The following CTTNBP2NL variants were observed in gnomAD, a reference collection of about 807,000 sequenced individuals.
The protein encoded by CTTNBP2NL is CTTNBP2 N-terminal like.
In CTTNBP2NL, 16 loss-of-function variants were observed where a neutral mutation model predicts 32.5. The observed-to-expected ratio is 0.49, with a 90% CI of 0.33 to 0.75. The LOEUF (loss-of-function observed/expected upper bound fraction) is 0.75. CTTNBP2NL is among the 30% of genes least tolerant of loss of function. The probability of loss-of-function intolerance (pLI) is 0.02; values close to 1 mark genes in which losing one functional copy is unlikely to be tolerated. For missense variants in CTTNBP2NL, 645 were observed against 756.0 expected (o/e 0.85, Z 1.72); for synonymous variants, 298 against 289.4 (o/e 1.03, Z -0.30).
At chr1:112,394,121 G>A (rs974983158), upstream of CTTNBP2NL, among the ~76,000 whole-genome samples, 8 of 151,398 alleles carry the variant, frequency 5.3e-5, no homozygotes, top group East Asian at 1.9e-4. Flanking sequence ...CAGGAGAATC[G>A]CTTGAACCCA....
chr1:112,432,466 A>C (rs1274282871), intron 3 of CTTNBP2NL, among the ~76,000 whole-genome samples: 2 of 152,192 alleles, frequency 1.3e-5, no homozygotes, highest in Non-Finnish European at 2.9e-5. Context: ...AACTGGATTC[A>C]TTGGTAGAAA....
Position 112,412,274 on chromosome 1 carries a change from A to G in CTTNBP2NL, c.-53A>G, listed in dbSNP as rs1648894273. 1 of 152,204 alleles carries G rather than the reference A, an allele frequency of 6.6e-6. No homozygotes were observed. Among genetic ancestry groups the G allele is most frequent in the Non-Finnish European group, 1.5e-5 (1 of 68,040 alleles). 9.4% of individuals were successfully genotyped at this position (152,204 alleles called of 1,614,324 possible). A position where few individuals can be genotyped will look rare whatever the true frequency, so the allele number is the denominator to read the frequency against. ...CCAATTTTTTACTGAAGAAAACTGTAAGTTTATACTTGAGGACTGAAGTGT... is the reference window on the plus strand; with the variant it reads ...CCAATTTTTTACTGAAGAAAACTGTGAGTTTATACTTGAGGACTGAAGTGT... On this transcript the variant is annotated 5_prime_UTR_variant, in exon 2 of 6. Transcript: ENST00000271277.
upstream of CTTNBP2NL, among the ~76,000 whole-genome samples, chr1:112,395,875 G>C (rs1891705): frequency 0.46 from 70,288 of 152,132 alleles, 18,852 homozygotes; most frequent in African/African-American, 0.75. Flanking sequence ...CCTAAACTCC[G>C]CGTACAGTCA....
chr1:112,396,582 A>C (rs1269841188), intron 1 of CTTNBP2NL: 1 of 152,468 alleles, frequency 6.6e-6, no homozygotes, highest in African/African-American at 2.4e-5. Flanking sequence ...GAGAGGACTC[A>C]CAGGTACCGA....
chr1:112,439,747 C>G (rs1201130773), intron 3 of CTTNBP2NL, among the ~76,000 whole-genome samples: 1 of 152,142 alleles, frequency 6.6e-6, no homozygotes, highest in Non-Finnish European at 1.5e-5. Context: ...TGTGTGGGCC[C>G]CCTACCCGAA....
chr1:112,391,172 G>A, the CTTNBP2NL span, among the ~76,000 whole-genome samples: 2 of 152,224 alleles, frequency 1.3e-5, no homozygotes, highest in African/African-American at 4.8e-5. Context: ...AGAAATGCAG[G>A]GGGCAGTGGA....
chr1:112,411,246 C>T (rs1452166774), intron 1 of CTTNBP2NL, among the ~76,000 whole-genome samples: 1 of 152,074 alleles, frequency 6.6e-6, no homozygotes, highest in Non-Finnish European at 1.5e-5. Flanking sequence ...TGACACTGTC[C>T]CCATTTGACT....
chr1:112,421,738 A>T (rs1649239669), intron 3 of CTTNBP2NL, among the ~76,000 whole-genome samples: 1 of 152,064 alleles, frequency 6.6e-6, no homozygotes. Context: ...TCTTATGGGA[A>T]TTGACAGTTT....
In CTTNBP2NL at chr1:112,454,454, C is replaced by G. The variant is rs754052354; in HGVS notation, c.336C>G (p.Ile112Met). Reference sequence around the variant, plus strand: ...ATTTAAAAAATTCTTTAAAGGTGATCCTAGACCTTGAGGAAGAAAGGCAGC... The same window carrying G: ...ATTTAAAAAATTCTTTAAAGGTGATGCTAGACCTTGAGGAAGAAAGGCAGC... The part of the protein sequence containing the change: ...AAAESRHRKV[I>M]LDLEEERQRH... Residue 112 changes from isoleucine (I) to methionine (M), a missense_variant, in exon 5 of 6, where the codon ATC (isoleucine) becomes ATG (methionine). Coordinates refer to ENST00000271277, the MANE Select transcript of CTTNBP2NL (RefSeq NM_018704.3). 6.2e-7 allele frequency: 1 copy of G among 1,612,494 alleles called. No homozygotes were observed. Among genetic ancestry groups the G allele is most frequent in the Non-Finnish European group, 8.5e-7 (1 of 1,178,674 alleles).
chr1:112,406,017 C>G lies in CTTNBP2NL; in HGVS notation c.-133-6177C>G, dbSNP rs186321273. Among the ~76,000 whole-genome samples, 524 of 151,904 alleles carry G rather than the reference C, an allele frequency of 3.4e-3. 3 individuals carry two copies. The highest frequency in any genetic ancestry group is 0.012 in the African/African-American group (486 of 41,272). On this transcript the variant is annotated intron_variant, in intron 1 of 5. Coordinates refer to ENST00000271277, the MANE Select transcript of CTTNBP2NL (RefSeq NM_018704.3). ...TGACCAACATGGTGAAACCCTGTCT[C>G]TACTAAAAATAGAAAAATTAGCTGG...
chr1:112,438,674 A>G (rs1488203953), intron 3 of CTTNBP2NL, among the ~76,000 whole-genome samples: 2 of 152,176 alleles, frequency 1.3e-5, no homozygotes, highest in South Asian at 4.1e-4. Flanking sequence ...TTGCATATTC[A>G]GTATGATGTT....
intron 3 of CTTNBP2NL, among the ~76,000 whole-genome samples, chr1:112,424,843 G>A (rs1035998196): frequency 2.0e-5 from 3 of 151,670 alleles, no homozygotes; most frequent in African/African-American, 2.4e-5. Flanking sequence ...TTTGAGACAG[G>A]GTCTGACTCT....
At chr1:112,405,477 T>C (rs1224997650) in intron 1 of CTTNBP2NL, among the ~76,000 whole-genome samples, 2 of 152,132 alleles carry the variant, frequency 1.3e-5, no homozygotes, top group Non-Finnish European at 2.9e-5. Context: ...TTTGTATTTT[T>C]AGTAGAGATG....
chr1:112,437,128 G>T (rs1243380147), intron 3 of CTTNBP2NL, among the ~76,000 whole-genome samples: 2 of 152,182 alleles, frequency 1.3e-5, no homozygotes, highest in Non-Finnish European at 2.9e-5. Context: ...ATGGTAGAAT[G>T]ACTTATATTC....
At position 112,457,366 on chromosome 1, in the gene CTTNBP2NL, T is replaced by C. The variant is rs1161094461; in HGVS notation, c.1874T>C (p.Val625Ala). 6.2e-7 allele frequency: 1 copy of C among 1,614,114 alleles called. No homozygotes were observed. The change falls in exon 6 of 6, where the codon GTA becomes GCA. Residue 625 changes from valine (V) to alanine (A), a missense_variant. By Grantham distance (64) the Val-to-Ala change is moderately conservative. Coordinates refer to ENST00000271277, the MANE Select transcript of CTTNBP2NL (RefSeq NM_018704.3). ...AGCAGCTGCTCTTCCAATACTGTTG[T>C]AGCAAATGGTAAGGATGTTGAGTTA... is the stretch of plus-strand genomic sequence containing the variant. ...LASSCSSNTV[V>A]ANGKDVELLL...
intron 1 of CTTNBP2NL, among the ~76,000 whole-genome samples, chr1:112,410,223 T>C (rs1194694803): frequency 6.6e-6 from 1 of 152,130 alleles, no homozygotes; most frequent in Non-Finnish European, 1.5e-5. Flanking sequence ...AGAAACCCCA[T>C]CTCTACTAAA....
At chr1:112,401,143 A>G (rs1318772930) in intron 1 of CTTNBP2NL, among the ~76,000 whole-genome samples, 1 of 152,192 alleles carries the variant, frequency 6.6e-6, no homozygotes, top group Non-Finnish European at 1.5e-5. Context: ...CCCCTTCAGC[A>G]TTTTAGCAAA....
chr1:112,439,190 C>T (rs1461915949), intron 3 of CTTNBP2NL, among the ~76,000 whole-genome samples: 1 of 148,706 alleles, frequency 6.7e-6, no homozygotes, highest in African/African-American at 2.4e-5. Flanking sequence ...GCCCTGGCAT[C>T]CTGCTCTCAC....
At chr1:112,452,362 T>A (rs868586594) in intron 4 of CTTNBP2NL, among the ~76,000 whole-genome samples, 1,521 of 127,818 alleles carry the variant, frequency 0.012, 55 homozygotes, top group African/African-American at 0.045. Context: ...TTTTTTTTTT[T>A]AGACAGAGTT....
Sources: gnomAD v4.1 joint callset for allele counts (sites outside exome capture counted in the v4.1 genomes callset) on GRCh38, gnomAD v4.1.1 for gene constraint, MANE v1.5 for transcripts, NCBI Gene and HGNC (gene_info 2026-07-23, HGNC 2026-07-21) for gene names.